INTS7: variants seen among roughly 807,000 people sequenced by gnomAD.
The protein encoded by INTS7 is chromosome 1 open reading frame 73.
A neutral mutation model predicts 109.2 loss-of-function variants in INTS7; 46 were observed. That is an observed-to-expected ratio of 0.42 (90% confidence interval 0.33 to 0.54). The LOEUF (loss-of-function observed/expected upper bound fraction) is 0.54. Ranked by LOEUF, INTS7 falls within the 20% of genes least tolerant of loss-of-function variation. INTS7 has a pLI of 0.07. For missense variants in INTS7, 929 were observed against 1,132.4 expected, an observed-to-expected ratio of 0.82 and a Z score of 2.58; for synonymous variants, 412 against 402.9, an observed-to-expected ratio of 1.02 and a Z score of -0.27.
intron 16 of INTS7, among the ~76,000 whole-genome samples, chr1:211,956,482 G>A (rs992084002): frequency 1.3e-5 from 2 of 152,078 alleles, no homozygotes; most frequent in Admixed American, 6.5e-5. Flanking sequence ...CTATGCTAAT[G>A]AAGAATATTT....
At chr1:212,033,161 T>C (rs1667247419) in intron 1 of INTS7, among the ~76,000 whole-genome samples, 1 of 152,150 alleles carries the variant, frequency 6.6e-6, no homozygotes, top group African/African-American at 2.4e-5. Context: ...GGGGGAGATA[T>C]TTCAGAAACA....
intron 7 of INTS7, among the ~76,000 whole-genome samples, chr1:212,001,345 C>A (rs1315793597): frequency 6.6e-6 from 1 of 152,118 alleles, no homozygotes; most frequent in Non-Finnish European, 1.5e-5. Flanking sequence ...GCCACCACGC[C>A]CGGCCCAGAA....
At chr1:212,017,098 A>T in intron 3 of INTS7, 75 bp from the exon 4 acceptor site, 1 of 1,233,446 alleles carries the variant, frequency 8.1e-7, no homozygotes, top group Non-Finnish European at 1.1e-6. Flanking sequence ...GGCAAGGCAA[A>T]GTCAGATTAT....
rs1409300797 is a variant in INTS7 at position 211,959,299 on chromosome 1, G to A, written c.2184-6598C>T. Among the ~76,000 whole-genome samples the A allele has an allele frequency of 6.6e-6, 1 of 152,200 alleles. No individual in the cohort carries two copies. The highest frequency in any genetic ancestry group is 1.5e-5 in the Non-Finnish European group (1 of 68,034). Reference sequence around the variant, plus strand: ...AACTGTCAGACCTCAAGCCTACAGAGCAGTCTTGACGATCAGATGGGGCCA... The same window carrying A: ...AACTGTCAGACCTCAAGCCTACAGAACAGTCTTGACGATCAGATGGGGCCA... On this transcript the variant is annotated intron_variant, in intron 16 of 19. Transcript: ENST00000366994. This position sits in a 1 kb window ranked among gnomAD's most constrained non-coding sequence, Gnocchi z 4.2.
At chr1:212,013,704 T>A (rs1666265245) in intron 4 of INTS7, among the ~76,000 whole-genome samples, 1 of 152,226 alleles carries the variant, frequency 6.6e-6, no homozygotes, top group Non-Finnish European at 1.5e-5. Context: ...TGCCATATTT[T>A]TACTGAGCCT....
intron 16 of INTS7, among the ~76,000 whole-genome samples, chr1:211,963,595 CT>C (rs1663739089): frequency 6.6e-6 from 1 of 152,094 alleles, no homozygotes; most frequent in Non-Finnish European, 1.5e-5. Flanking sequence ...TCAAAAAATA[CT>C]GGCAAACTGA....
rs111866775 is a variant in INTS7, at chr1:211,962,303, G to A, written c.2183+4127C>T. On this transcript the variant is annotated intron_variant, in intron 16 of 19. Transcript: ENST00000366994. ...AAAAAGACAAGGGTATTACATAATG[G>A]TAAAAGGTTCAATTCAACAAGAAGA... 9.8e-5 allele frequency among the ~76,000 whole-genome samples: 14 copies of A among 142,252 alleles called. 1 individual carries two copies. Among genetic ancestry groups the A allele is most frequent in the African/African-American group, 3.6e-4 (14 of 38,690 alleles). 93.3% of individuals were successfully genotyped at this position (142,252 alleles called of 152,430 possible).
At chr1:212,000,206 TAA>T (rs1665604266) in intron 7 of INTS7, among the ~76,000 whole-genome samples, 1 of 152,312 alleles carries the variant, frequency 6.6e-6, no homozygotes, top group African/African-American at 2.4e-5. Context: ...TTAGAAGTTA[TAA>T]AGACTCTTTA....
intron 3 of INTS7, among the ~76,000 whole-genome samples, chr1:212,018,297 A>T (rs1170101013): frequency 6.6e-6 from 1 of 152,040 alleles, no homozygotes; most frequent in Non-Finnish European, 1.5e-5. Flanking sequence ...CTTTCTAGAG[A>T]TCGCTGGCTT....
At position 211,987,873 on chromosome 1, in the gene INTS7, G is replaced by C; in HGVS notation, c.997+13C>G. On this transcript the variant is annotated intron_variant, in intron 8 of 19. Coordinates refer to ENST00000366994, the MANE Select transcript of INTS7 (RefSeq NM_015434.4). ...GCACATTATTTATATGGTATCTCCT[G>C]TCTTTTCCTTACCTGGAACTATACT... is the stretch of plus-strand genomic sequence containing the variant. The C allele has an allele frequency of 2.8e-6, 4 of 1,409,980 alleles. No homozygotes were observed. Among genetic ancestry groups the C allele is most frequent in the Non-Finnish European group, 4.0e-6 (4 of 1,000,026 alleles). 87.3% of individuals were successfully genotyped at this position (1,409,980 alleles called of 1,614,324 possible).
intron 1 of INTS7, among the ~76,000 whole-genome samples, chr1:212,027,471 C>T (rs1387156079): frequency 1.3e-5 from 2 of 149,134 alleles, no homozygotes; most frequent in Non-Finnish European, 3.0e-5. Context: ...ATTCTTCCAC[C>T]AAAAAAAAAC....
chr1:212,023,176 C>T (rs1558059134), intron 1 of INTS7, among the ~76,000 whole-genome samples: 2 of 152,078 alleles, frequency 1.3e-5, no homozygotes, highest in Non-Finnish European at 2.9e-5. Flanking sequence ...AGGTTGATTC[C>T]ACATCTTTGC....
chr1:212,034,198 G>A (rs1667309511), intron 1 of INTS7, among the ~76,000 whole-genome samples: 1 of 152,032 alleles, frequency 6.6e-6, no homozygotes, highest in Non-Finnish European at 1.5e-5. Context: ...GTTGATGGGG[G>A]TGCACTAAAG....
intron 7 of INTS7, among the ~76,000 whole-genome samples, chr1:211,994,677 C>T (rs775656335): frequency 7.3e-5 from 11 of 151,360 alleles, no homozygotes; most frequent in Non-Finnish European, 8.8e-5. Context: ...AAGTGATCCG[C>T]CTACCTCCGC....
At chr1:211,974,847 A>G (rs1273292271) in intron 13 of INTS7, among the ~76,000 whole-genome samples, 13 of 152,172 alleles carry the variant, frequency 8.5e-5, no homozygotes, top group African/African-American at 2.9e-4. Context: ...TCAGGGGTTT[A>G]TGTTTGATGG....
chr1:211,974,892 G>A (rs1664351461), intron 13 of INTS7, among the ~76,000 whole-genome samples: 1 of 152,200 alleles, frequency 6.6e-6, no homozygotes, highest in Non-Finnish European at 1.5e-5. Flanking sequence ...ATCTTAGTCT[G>A]TAGAGGGAGC....
chr1:212,027,183 GA>G (rs748568582), intron 1 of INTS7, among the ~76,000 whole-genome samples: 1 of 152,140 alleles, frequency 6.6e-6, no homozygotes, highest in Non-Finnish European at 1.5e-5. Context: ...GAAAAAGAAG[GA>G]AAAAGTGCTT....
chr1:211,981,727 T>C (rs1664674338), intron 9 of INTS7, among the ~76,000 whole-genome samples: 1 of 152,194 alleles, frequency 6.6e-6, no homozygotes, highest in East Asian at 1.9e-4. Context: ...CACTAGAACA[T>C]CTTTTCACTA....
intron 17 of INTS7, among the ~76,000 whole-genome samples, chr1:211,947,861 T>C (rs1318892650): frequency 6.6e-6 from 1 of 152,238 alleles, no homozygotes; most frequent in Admixed American, 6.5e-5. Flanking sequence ...AGTCTTTATA[T>C]GAGTAAACAA....
Sources: gnomAD v4.1 joint callset for allele counts (sites outside exome capture counted in the v4.1 genomes callset) on GRCh38, gnomAD v4.1.1 for gene constraint, Gnocchi (gnomAD v3.1) non-coding constraint, MANE v1.5 for transcripts, NCBI Gene and HGNC (gene_info 2026-07-23, HGNC 2026-07-21) for gene names.